Variants in NHSL1 observed in about 807,000 individuals in gnomAD.
NHSL1 encodes NHS-like protein 1.
Under a neutral mutation model 95.0 loss-of-function variants are expected in NHSL1, and 48 were observed. The ratio of observed to expected loss-of-function variants is 0.51; its 90% CI spans 0.40 to 0.64. The LOEUF is 0.64. NHSL1 is among the 30% of genes least tolerant of loss of function. NHSL1 has a pLI of 0.00. For synonymous variants in NHSL1, 783 were observed against 833.9 expected, an observed-to-expected ratio of 0.94 and a Z score of 1.05; for missense variants, 1,971 against 2,077.7, an observed-to-expected ratio of 0.95 and a Z score of 1.00.
Position 138,431,353 on chromosome 6 carries a change from T to A in NHSL1, c.2992A>T (p.Ser998Cys), listed in dbSNP as rs1390931695. 1.3e-6 allele frequency: 2 copies of A among 1,535,640 alleles called. No homozygotes were observed. The highest frequency in any genetic ancestry group is 1.8e-6 in the Non-Finnish European group (2 of 1,140,038). ...ACAGGTGAATCTGGAAGAATGGGGC[T>A]CAGTGCAGGGCGGGGAGGAGAAAGG... Reference protein sequence around the residue: ...WCLSPPRPALSPILPDSPVSL... With the variant: ...WCLSPPRPALCPILPDSPVSL... Residue 998 changes from serine to cysteine, a missense_variant, in exon 6 of 8, where the codon AGC becomes TGC. Physicochemically the swap from Ser to Cys is moderately radical, Grantham distance 112 (BLOSUM62 -1). Transcript: ENST00000343505. This position sits in a 1 kb window ranked among gnomAD's most constrained non-coding sequence, Gnocchi z 4.0.
intron 1 of NHSL1, among the ~76,000 whole-genome samples, chr6:138,524,629 T>C (rs1173865628): frequency 3.3e-5 from 5 of 152,174 alleles, no homozygotes; most frequent in Admixed American, 1.3e-4. Context: ...CTTTTAGGAA[T>C]AGTGCACTAT....
chr6:138,591,296 T>C (rs1449733212), intron 1 of NHSL1, among the ~76,000 whole-genome samples: 2 of 152,182 alleles, frequency 1.3e-5, no homozygotes, highest in Admixed American at 6.5e-5. Flanking sequence ...TTTAAAGTAG[T>C]CCCTCCCCTT....
chr6:138,650,387 G>C, intron 1 of NHSL1: 1 of 1,408,734 alleles, frequency 7.1e-7, no homozygotes, highest in Non-Finnish European at 9.9e-7. Flanking sequence ...TCACAGCCAT[G>C]AGGTCGCCGA....
chr6:138,494,032 A>C (rs1780214691), intron 2 of NHSL1, among the ~76,000 whole-genome samples: 1 of 152,234 alleles, frequency 6.6e-6, no homozygotes, highest in Non-Finnish European at 1.5e-5. Flanking sequence ...TGGAAGATAC[A>C]TTAGATAATC....
At chr6:138,500,820 G>C (rs974160349), upstream of NHSL1, among the ~76,000 whole-genome samples, 1 of 151,936 alleles carries the variant, frequency 6.6e-6, no homozygotes, top group African/African-American at 2.4e-5. Flanking sequence ...CAAAACAAAA[G>C]AACACATAGA....
chr6:138,510,462 CT>C (rs1189052541), intron 1 of NHSL1, among the ~76,000 whole-genome samples: 4 of 152,168 alleles, frequency 2.6e-5, no homozygotes, highest in African/African-American at 9.7e-5. Flanking sequence ...AGTGTTGGAT[CT>C]TTTCAAAACA....
chr6:138,510,008 T>A (rs1486415655), intron 1 of NHSL1, among the ~76,000 whole-genome samples: 1 of 152,194 alleles, frequency 6.6e-6, no homozygotes, highest in Admixed American at 6.6e-5. Flanking sequence ...AATCACTCTG[T>A]CCAAGAATAC....
At chr6:138,519,813 T>C (rs934927898) in intron 1 of NHSL1, among the ~76,000 whole-genome samples, 3 of 152,238 alleles carry the variant, frequency 2.0e-5, no homozygotes, top group African/African-American at 4.8e-5. Flanking sequence ...ATAGAGTTGA[T>C]TGGCAACTGT....
intron 1 of NHSL1, among the ~76,000 whole-genome samples, chr6:138,579,226 AC>A (rs1784017178): frequency 6.6e-6 from 1 of 152,130 alleles, no homozygotes; most frequent in African/African-American, 2.4e-5. Flanking sequence ...GGGTTTGGGG[AC>A]CCCTGCCTTA....
Position 138,433,254 on chromosome 6 carries a change from T to A in NHSL1, c.1091A>T (p.Asp364Val). 1 of 1,551,558 alleles carries A rather than the reference T, an allele frequency of 6.4e-7. No homozygotes were observed. The highest frequency in any genetic ancestry group is 1.2e-5 in the South Asian group (1 of 84,046). The change falls in exon 6 of 8, where the codon GAT becomes GTT. Residue 364 changes from aspartate (D) to valine (V), a missense_variant. Coordinates refer to ENST00000343505, the MANE Select transcript of NHSL1 (RefSeq NM_001144060.2). ...FLYQRGHPQADENLGHLGGAS... is the reference protein window; with the variant it reads ...FLYQRGHPQAVENLGHLGGAS... ...ACCTCCTAAATGGCCTAAGTTTTCA[T>A]CTGCTTGTGGGTGACCTCTCTGGTA...
intron 1 of NHSL1, among the ~76,000 whole-genome samples, chr6:138,513,625 AG>A (rs761108798): frequency 2.1e-4 from 32 of 152,256 alleles, no homozygotes; most frequent in Non-Finnish European, 4.4e-4. Context: ...AAGAAGCAAG[AG>A]TTATCTTAGT....
chr6:138,671,905 A>G (rs1428623657), intron 1 of NHSL1, among the ~76,000 whole-genome samples: 2 of 152,112 alleles, frequency 1.3e-5, no homozygotes, highest in African/African-American at 4.8e-5. Flanking sequence ...AAAGCAATGA[A>G]AGAGGATAGG....
In NHSL1 at chr6:138,432,274, A is replaced by C. The variant is rs1349033073; in HGVS notation, c.2071T>G (p.Cys691Gly). Residue 691 changes from cysteine to glycine, a missense_variant, in exon 6 of 8, where the codon TGC becomes GGC. Physicochemically the swap from Cys to Gly is radical, Grantham distance 159. This residue lies in a region of NHSL1 where 1,602 missense variants were observed against 1,654.5 expected (regional missense o/e 0.97). Transcript: ENST00000343505. The surrounding 1 kb of genome is among the most constrained non-coding windows in gnomAD (Gnocchi z 4.4). ...LRRIPKKSSQ[C>G]NGQVLNESLI... ...CTCTCGTTGAGCACCTGCCCGTTGC[A>C]CTGGCTGCTCTTCTTGGGAATCCTG... The C allele has an allele frequency of 6.4e-7, 1 of 1,551,088 alleles. No individual in the cohort carries two copies. The highest frequency in any genetic ancestry group is 8.7e-7 in the Non-Finnish European group (1 of 1,146,762).
intron 1 of NHSL1, among the ~76,000 whole-genome samples, chr6:138,541,973 G>T (rs549871729): frequency 1.3e-5 from 2 of 152,264 alleles, no homozygotes; most frequent in East Asian, 1.9e-4. Flanking sequence ...CACTGAATTG[G>T]GTTGAATAGC....
chr6:138,630,447 C>A (rs1210395077), intron 1 of NHSL1, among the ~76,000 whole-genome samples: 1 of 151,860 alleles, frequency 6.6e-6, no homozygotes, highest in Non-Finnish European at 1.5e-5. Context: ...GTCTAGAGTG[C>A]CCAGCCGAGA....
At chr6:138,481,738 G>C (rs547768639) in intron 2 of NHSL1, among the ~76,000 whole-genome samples, 17 of 152,086 alleles carry the variant, frequency 1.1e-4, no homozygotes, top group Non-Finnish European at 2.2e-4. Context: ...TTTAGAGCAA[G>C]AGCTGTTTTA....
intron 1 of NHSL1, among the ~76,000 whole-genome samples, chr6:138,603,680 T>C (rs1784398516): frequency 1.3e-5 from 2 of 152,350 alleles, no homozygotes; most frequent in Admixed American, 1.3e-4. Flanking sequence ...CAAACTCCCC[T>C]TCTCGTACTT....
rs975936101 is a variant in NHSL1 at position 138,550,913 on chromosome 6, C to T, written c.202+20797G>A. On this transcript the variant is annotated intron_variant, in intron 1 of 6. Coordinates refer to the NHSL1 transcript ENST00000427025. The stretch of plus-strand genomic sequence containing the variant: ...AGATGGAAAAATCCTTCTCCATACC[C>T]ATTCACAAGTCTGTTTCACCTCAGC... Among the ~76,000 whole-genome samples the T allele has an allele frequency of 7.2e-5, 11 of 152,282 alleles. 1 individual carries two copies. The East Asian group carries it at 1.7e-3, about 24-fold the overall frequency.
At position 138,433,444 on chromosome 6, in the gene NHSL1, T is replaced by A; in HGVS notation, c.901A>T (p.Met301Leu). The A allele has an allele frequency of 1.9e-6, 3 of 1,552,294 alleles. No individual in the cohort carries two copies. The highest frequency in any genetic ancestry group is 2.6e-6 in the Non-Finnish European group (3 of 1,147,106). ...MGHFSGSSGN[M>L]SVLSDSAGIV... ...CCTGCAGAATCGCTCAGCACAGACA[T>A]GTTGCCAGAGGAACCTGAGAAGTGG... The change falls in exon 6 of 8, where the codon ATG (methionine) becomes TTG (leucine). Residue 301 changes from methionine (M) to leucine (L), a missense_variant. This residue lies in a region of NHSL1 where 1,602 missense variants were observed against 1,654.5 expected (regional missense o/e 0.97). Transcript: ENST00000343505.
Sources: allele counts gnomAD v4.1 joint callset (sites outside exome capture counted in the v4.1 genomes callset), GRCh38; gene constraint gnomAD v4.1.1; regional missense constraint gnomAD v4.1.1; non-coding constraint Gnocchi (gnomAD v3.1); transcripts MANE v1.5; gene names NCBI Gene and HGNC (gene_info 2026-07-23, HGNC 2026-07-21).